Variants in RBFOX1 observed in about 807,000 individuals in gnomAD.
The protein encoded by RBFOX1 is RNA binding protein fox-1 homolog 1.
Under a neutral mutation model 57.7 loss-of-function variants are expected in RBFOX1, and 8 were observed. That is an observed-to-expected ratio of 0.14 (90% CI 0.08 to 0.25). The LOEUF (loss-of-function observed/expected upper bound fraction) is 0.25, where lower values mean the gene tolerates loss of function less well. Among genes scored for constraint, RBFOX1 ranks in the 10% least tolerant of loss-of-function variants. The pLI is 1.00. For missense variants in RBFOX1, 611 were observed against 548.5 expected (o/e 1.11, Z -1.14); for synonymous variants, 326 against 222.4 (o/e 1.47, Z -4.15).
In RBFOX1 at chr16:6,945,553, T is replaced by G. The variant is rs528760457; in HGVS notation, c.-15-106504T>G. On this transcript the variant is annotated intron_variant, in intron 3 of 15. Coordinates refer to ENST00000550418, the MANE Select transcript of RBFOX1 (RefSeq NM_018723.4). ...CATGTAAAGCCACATCTGTGACTCA[T>G]GGGCAACCAGTTTGCATCTTTGATG... is the stretch of plus-strand genomic sequence containing the variant. 3.3e-5 allele frequency among the ~76,000 whole-genome samples: 5 copies of G among 152,274 alleles called. No homozygotes were observed. The South Asian group carries it at 6.2e-4, about 19-fold the overall frequency.
At chr16:6,777,266 T>C (rs950406425) in intron 3 of RBFOX1, among the ~76,000 whole-genome samples, 4 of 152,178 alleles carry the variant, frequency 2.6e-5, no homozygotes, top group African/African-American at 9.7e-5. Context: ...GGCATTGCTT[T>C]TTTAGTTTTG....
intron 2 of RBFOX1, among the ~76,000 whole-genome samples, chr16:5,530,103 G>T (rs71390669): frequency 6.6e-5 from 10 of 151,780 alleles, no homozygotes; most frequent in Non-Finnish European, 1.3e-4. Flanking sequence ...AGCCACTCAG[G>T]CTATGGCACT....
downstream of RBFOX1, among the ~76,000 whole-genome samples, chr16:5,602,676 A>T (rs1261781738): frequency 6.6e-6 from 1 of 152,152 alleles, no homozygotes; most frequent in African/African-American, 2.4e-5. Context: ...ATTTTCCTTT[A>T]GACCCTTTTA....
At chr16:5,716,413 G>A (rs531514926) in intron 3 of RBFOX1, among the ~76,000 whole-genome samples, 69 of 152,214 alleles carry the variant, frequency 4.5e-4, no homozygotes, top group African/African-American at 1.6e-3. Flanking sequence ...TCCACCCTCC[G>A]ACAGACCCCA....
chr16:6,411,344 A>G (rs2093453309), intron 2 of RBFOX1, among the ~76,000 whole-genome samples: 1 of 152,182 alleles, frequency 6.6e-6, no homozygotes, highest in Admixed American at 6.5e-5. Flanking sequence ...TGTGCTGTAC[A>G]TAGCTTGATC....
chr16:5,453,969 C>G (rs1264121339), intron 1 of RBFOX1, among the ~76,000 whole-genome samples: 1 of 152,044 alleles, frequency 6.6e-6, no homozygotes, highest in Non-Finnish European at 1.5e-5. Context: ...GAGGAACATT[C>G]TAGGCAAAAG....
At chr16:5,531,675 A>G (rs2044483173) in intron 2 of RBFOX1, among the ~76,000 whole-genome samples, 1 of 152,202 alleles carries the variant, frequency 6.6e-6, no homozygotes, top group African/African-American at 2.4e-5. Context: ...AAATGAATCA[A>G]TGTGTTTAAG....
chr16:6,844,027 A>C (rs1007579951), intron 3 of RBFOX1, among the ~76,000 whole-genome samples: 2 of 151,846 alleles, frequency 1.3e-5, no homozygotes, highest in East Asian at 1.9e-4. Context: ...CCTTTTCCCA[A>C]CAATCCATTT....
At chr16:6,804,047 C>A (rs1336076883) in intron 3 of RBFOX1, among the ~76,000 whole-genome samples, 1 of 151,752 alleles carries the variant, frequency 6.6e-6, no homozygotes, top group African/African-American at 2.4e-5. Context: ...TGCACTGTCA[C>A]CCTGGCTAGA....
chr16:6,873,506 C>T (rs992069961), intron 3 of RBFOX1, among the ~76,000 whole-genome samples: 12 of 152,122 alleles, frequency 7.9e-5, no homozygotes, highest in Non-Finnish European at 1.5e-4. Flanking sequence ...AAGGCTATGA[C>T]AGTGGATTAT....
chr16:7,657,781 T>A (rs540677265), intron 12 of RBFOX1, among the ~76,000 whole-genome samples: 1 of 151,976 alleles, frequency 6.6e-6, no homozygotes, highest in Non-Finnish European at 1.5e-5. Context: ...GTAGGGAAAG[T>A]TGTGGACCAT....
intron 4 of RBFOX1, among the ~76,000 whole-genome samples, chr16:5,892,889 T>C (rs968665540): frequency 9.9e-5 from 15 of 152,154 alleles, no homozygotes. Flanking sequence ...GGGTTGCAGA[T>C]GTCAACAGGG....
Position 6,720,016 on chromosome 16 carries a change from C to A in RBFOX1, c.-16+65366C>A, listed in dbSNP as rs1387557795. On this transcript the variant is annotated intron_variant, in intron 3 of 15. Coordinates refer to ENST00000550418, the MANE Select transcript of RBFOX1 (RefSeq NM_018723.4). ...GGCTGAGGCAGGAGAATCGCTTGAA[C>A]CTGGGAGGCAGAGGTTGCAGTGAGC... Among the ~76,000 whole-genome samples the A allele has an allele frequency of 7.2e-5, 11 of 152,064 alleles. No homozygotes were observed. The East Asian group carries it at 2.2e-3, about 30-fold the overall frequency.
chr16:6,359,172 A>C (rs2087940409), intron 2 of RBFOX1, among the ~76,000 whole-genome samples: 1 of 152,172 alleles, frequency 6.6e-6, no homozygotes, highest in Admixed American at 6.5e-5. Context: ...AGCTCACTGC[A>C]ACCTCTGCCT....
chr16:5,979,000 A>C (rs938365318), intron 4 of RBFOX1, among the ~76,000 whole-genome samples: 1 of 152,236 alleles, frequency 6.6e-6, no homozygotes, highest in African/African-American at 2.4e-5. Flanking sequence ...GTGCTAAGAA[A>C]GTTACTAGGC....
intron 4 of RBFOX1, among the ~76,000 whole-genome samples, chr16:5,881,124 G>GAA (rs2057750603): frequency 2.0e-5 from 3 of 152,074 alleles, no homozygotes; most frequent in Non-Finnish European, 4.4e-5. Context: ...CGAAGTTCAC[G>GAA]GACTCACTGT....
intron 4 of RBFOX1, among the ~76,000 whole-genome samples, chr16:7,322,243 T>G (rs1009806675): frequency 1.3e-5 from 2 of 152,248 alleles, no homozygotes; most frequent in Non-Finnish European, 2.9e-5. Context: ...TTGCACTTCT[T>G]AAGCACAGAC....
Position 6,127,443 on chromosome 16 carries a change from G to A in RBFOX1, c.-127+107451G>A, listed in dbSNP as rs537887395. Among the ~76,000 whole-genome samples, 5 of 152,192 alleles carry A rather than the reference G, an allele frequency of 3.3e-5. 1 individual carries two copies. Among genetic ancestry groups the A allele is most frequent in the South Asian group, 4.2e-4 (2 of 4,816 alleles). On this transcript the variant is annotated intron_variant, in intron 1 of 15. Transcript: ENST00000550418. Reference sequence around the variant, plus strand: ...TGAGCATTATATGCCAAGCCCTGACGTAGGCAAGGCAGGGATTTGAAAGAT... The same window carrying A: ...TGAGCATTATATGCCAAGCCCTGACATAGGCAAGGCAGGGATTTGAAAGAT...
rs563347147 is a variant in RBFOX1 at position 6,210,089 on chromosome 16, C to T, written c.-126-106906C>T. Among the ~76,000 whole-genome samples the T allele has an allele frequency of 3.1e-3, 470 of 151,048 alleles. 2 individuals are homozygous for T. Among genetic ancestry groups the T allele is most frequent in the African/African-American group, 0.011 (433 of 41,182 alleles). On this transcript the variant is annotated intron_variant, in intron 1 of 15. Coordinates refer to ENST00000550418, the MANE Select transcript of RBFOX1 (RefSeq NM_018723.4). ...TCACAGCACTTTGGGAGGCTGAGAC[C>T]GGTGGATCACCTGAGGTCAGGAGTT...
Sources: gnomAD v4.1 joint callset for allele counts (sites outside exome capture counted in the v4.1 genomes callset) on GRCh38, gnomAD v4.1.1 for gene constraint, MANE v1.5 for transcripts, NCBI Gene and HGNC (gene_info 2026-07-23, HGNC 2026-07-21) for gene names.